HUWE1: variants seen among roughly 807,000 people sequenced by gnomAD.
The protein encoded by HUWE1 is HECT, UBA and WWE domain containing E3 ubiquitin protein ligase 1.
HUWE1 carries 18 observed loss-of-function variants against 299.4 expected under a neutral mutation model. The ratio of observed to expected loss-of-function variants is 0.06; its 90% CI spans 0.04 to 0.09. HUWE1 has a LOEUF of 0.09. HUWE1 is among the 10% of genes least tolerant of loss of function. The probability of loss-of-function intolerance (pLI) is 1.00; values close to 1 mark genes in which losing one functional copy is unlikely to be tolerated. For synonymous variants in HUWE1, 1,317 were observed against 1,286.1 expected, an observed-to-expected ratio of 1.02 and a Z score of -0.51; for missense variants, 1,832 against 3,462.3, an observed-to-expected ratio of 0.53 and a Z score of 11.82.
chrX:53,682,590 T>A (rs1171163608), intron 2 of HUWE1, among the ~76,000 whole-genome samples: 4 of 110,770 alleles, frequency 3.6e-5, no homozygotes, highest in African/African-American at 1.3e-4. Flanking sequence ...AGGGGTAAAA[T>A]GTAGTGGAGC....
Position 53,546,566 on chromosome X carries a change from C to G in HUWE1, c.10785G>C (p.Glu3595Asp). 8.3e-7 allele frequency: 1 copy of G among 1,210,128 alleles called. No individual in the cohort carries two copies. ...CGTTGGCTGCATCCTCTAAGCCTTC[C>G]TCAGAACAAGAGTGGGATGTCAACA... ...VEVLTSHSCS[E>D]EGLEDAANVL... Residue 3595 changes from glutamate to aspartate, a missense_variant, in exon 70 of 84, where the codon GAG becomes GAC. Physicochemically the swap from Glu to Asp is conservative, Grantham distance 45. Coordinates refer to ENST00000262854, the MANE Select transcript of HUWE1 (RefSeq NM_031407.7).
intron 48 of HUWE1, among the ~76,000 whole-genome samples, chrX:53,569,173 C>T (rs1365431159): frequency 9.0e-6 from 1 of 111,174 alleles, no homozygotes; most frequent in African/African-American, 3.3e-5. Flanking sequence ...ACTACGGGAG[C>T]GTGCCACTAC....
chrX:53,619,590 G>GAAAAAAA (rs35685121), intron 19 of HUWE1, among the ~76,000 whole-genome samples: 7 of 41,156 alleles, frequency 1.7e-4, no homozygotes, highest in Admixed American at 3.4e-4. Context: ...AGAAATAGAA[G>GAAAAAAA]AAAAAAAAAA....
intron 3 of HUWE1, among the ~76,000 whole-genome samples, chrX:53,662,876 T>G (rs1423115133): frequency 3.6e-5 from 4 of 110,997 alleles, no homozygotes; most frequent in Non-Finnish European, 7.5e-5. Flanking sequence ...TGAGGGCAGA[T>G]TCCTTAAACG....
intron 4 of HUWE1, among the ~76,000 whole-genome samples, chrX:53,651,243 C>T (rs1038534978): frequency 4.5e-5 from 5 of 109,933 alleles, no homozygotes; most frequent in Admixed American, 3.9e-4. Flanking sequence ...TATACACTCA[C>T]GTTGCCATCA....
chrX:53,653,512 T>C (rs781820698), intron 4 of HUWE1, among the ~76,000 whole-genome samples: 1 of 111,691 alleles, frequency 9.0e-6, no homozygotes, highest in East Asian at 2.8e-4. Context: ...CAGTTCAAGC[T>C]AGCTGGTGGA....
chrX:53,646,728 A>G (rs1450381437), intron 6 of HUWE1, among the ~76,000 whole-genome samples: 1 of 111,876 alleles, frequency 8.9e-6, no homozygotes, highest in African/African-American at 3.3e-5. Context: ...GTTTGTTCTG[A>G]TTCTGTTTCT....
chrX:53,654,221 G>C, intron 3 of HUWE1, 90 bp from the exon 4 acceptor site: 1 of 582,428 alleles, frequency 1.7e-6, no homozygotes. Context: ...AGAATGAAGA[G>C]CAATGCAAAA....
At chrX:53,568,318 T>C (rs1385584357) in intron 49 of HUWE1, among the ~76,000 whole-genome samples, 1 of 111,672 alleles carries the variant, frequency 9.0e-6, no homozygotes, top group African/African-American at 3.3e-5. Flanking sequence ...GAATACATTA[T>C]TTATGCATGC....
chrX:53,549,571 A>C, intron 66 of HUWE1, 66 bp from the exon 67 acceptor site: 1 of 962,711 alleles, frequency 1.0e-6, no homozygotes, highest in Non-Finnish European at 1.5e-6. Flanking sequence ...AGGCATAAGA[A>C]TGGGGGAGGG....
intron 66 of HUWE1, 70 bp downstream of exon 66, chrX:53,550,596 T>C: frequency 1.0e-6 from 1 of 984,262 alleles, no homozygotes; most frequent in Non-Finnish European, 1.4e-6. Flanking sequence ...CTTCTCCACC[T>C]ATAAAACTAA....
intron 25 of HUWE1, among the ~76,000 whole-genome samples, chrX:53,607,246 A>G (rs1005755604): frequency 8.9e-6 from 1 of 111,825 alleles, no homozygotes; most frequent in Admixed American, 9.5e-5. Flanking sequence ...AAACCCAACT[A>G]GAAAAGCTTT....
chrX:53,678,389 T>C (rs1227251804), intron 3 of HUWE1, among the ~76,000 whole-genome samples: 1 of 111,788 alleles, frequency 8.9e-6, no homozygotes, highest in Non-Finnish European at 1.9e-5. Context: ...GACATTAACA[T>C]ATATAAACAT....
At chrX:53,630,629 GA>G (rs1335955619) in intron 12 of HUWE1, among the ~76,000 whole-genome samples, 1 of 107,500 alleles carries the variant, frequency 9.3e-6, no homozygotes, top group Admixed American at 1.0e-4. Flanking sequence ...AATGGCAAGA[GA>G]AAGAGTAGGG....
chrX:53,565,302 A>G (rs2062470548), intron 49 of HUWE1, 63 bp from the exon 50 acceptor site: 1 of 951,056 alleles, frequency 1.1e-6, no homozygotes, highest in East Asian at 3.3e-5. Flanking sequence ...TATCTTCTAA[A>G]TGACACTAAG....
chrX:53,554,496 A>C, intron 61 of HUWE1, 137 bp downstream of exon 61: 1 of 594,165 alleles, frequency 1.7e-6, no homozygotes, highest in Non-Finnish European at 2.7e-6. Flanking sequence ...AAGAAAGTGA[A>C]TGCGCAAGAC....
chrX:53,578,444 C>G (rs1264612089), intron 43 of HUWE1, among the ~76,000 whole-genome samples: 1 of 88,886 alleles, frequency 1.1e-5, no homozygotes, highest in Non-Finnish European at 2.2e-5. Flanking sequence ...AAGTGAGGAG[C>G]CCCTCTGCCC....
At position 53,678,226 on chromosome X, in the gene HUWE1, A is replaced by T. The variant is rs189585497; in HGVS notation, c.-25+1823T>A. On this transcript the variant is annotated intron_variant, in intron 3 of 83. Coordinates refer to ENST00000262854, the MANE Select transcript of HUWE1 (RefSeq NM_031407.7). ...TTGAAAATGCTCAGGTTAACAGCCC[A>T]AACAAAACCTACAGTTGTTTTACTC... 2.2e-4 allele frequency among the ~76,000 whole-genome samples: 25 copies of T among 112,434 alleles called. No individual in the cohort carries two copies. The East Asian group carries it at 3.9e-3, about 17-fold the overall frequency.
At chrX:53,611,896 A>G (rs1202985801) in intron 23 of HUWE1, among the ~76,000 whole-genome samples, 2 of 110,733 alleles carry the variant, frequency 1.8e-5, no homozygotes, top group African/African-American at 6.5e-5. Context: ...AAATAAAGAT[A>G]AAAGTTAATC....
Sources: gnomAD v4.1 joint callset for allele counts (sites outside exome capture counted in the v4.1 genomes callset) on GRCh38, gnomAD v4.1.1 for gene constraint, MANE v1.5 for transcripts, NCBI Gene and HGNC (gene_info 2026-07-23, HGNC 2026-07-21) for gene names.